Variants in XYLT1 observed in about 807,000 individuals in gnomAD.
XYLT1 encodes the protein xylosyltransferase 1.
Under a neutral mutation model 91.3 loss-of-function variants are expected in XYLT1, and 36 were observed. That is an observed-to-expected ratio of 0.39 (90% CI 0.30 to 0.52). The LOEUF is 0.52. Among genes scored for constraint, XYLT1 ranks in the 20% least tolerant of loss-of-function variants. The probability of loss-of-function intolerance (pLI) is 0.68; values close to 1 mark genes in which losing one functional copy is unlikely to be tolerated. For synonymous variants in XYLT1, 588 were observed against 532.0 expected (o/e 1.11, Z -1.45); for missense variants, 1,242 against 1,284.5 (o/e 0.97, Z 0.51).
intron 2 of XYLT1, among the ~76,000 whole-genome samples, chr16:17,344,742 C>T (rs1184035847): frequency 1.3e-5 from 2 of 151,760 alleles, no homozygotes; most frequent in Admixed American, 1.3e-4. Flanking sequence ...TCTCTGTCAC[C>T]CAAGCTGGAG....
At chr16:17,330,756 T>G (rs1222543531) in intron 2 of XYLT1, among the ~76,000 whole-genome samples, 1 of 150,872 alleles carries the variant, frequency 6.6e-6, no homozygotes, top group East Asian at 1.9e-4. Context: ...ATCGCGCCAT[T>G]GCACTCCAGC....
intron 1 of XYLT1, among the ~76,000 whole-genome samples, chr16:17,381,015 T>C (rs887437715): frequency 2.6e-5 from 4 of 152,136 alleles, no homozygotes; most frequent in African/African-American, 9.7e-5. Flanking sequence ...GAGTGGACAA[T>C]GAGGGGCTAT....
At chr16:17,346,097 C>T in intron 2 of XYLT1, among the ~76,000 whole-genome samples, 1 of 152,202 alleles carries the variant, frequency 6.6e-6, no homozygotes, top group East Asian at 1.9e-4. Flanking sequence ...AGGCGTGAGC[C>T]ACCGAGCCCG....
chr16:17,430,608 G>A (rs1376684525), intron 1 of XYLT1, among the ~76,000 whole-genome samples: 3 of 152,116 alleles, frequency 2.0e-5, no homozygotes, highest in Non-Finnish European at 2.9e-5. Flanking sequence ...GCCTCTCATG[G>A]CTCCTCTCCC....
chr16:17,286,666 A>ATCATCATCATCC (rs1165279149), intron 2 of XYLT1, among the ~76,000 whole-genome samples: 9 of 151,722 alleles, frequency 5.9e-5, no homozygotes, highest in African/African-American at 1.9e-4. Context: ...CATCATCCTC[A>ATCATCATCATCC]TCATCATCAT....
At chr16:17,294,045 T>G (rs6498674) in intron 2 of XYLT1, among the ~76,000 whole-genome samples, 2,144 of 152,222 alleles carry the variant, frequency 0.014, 56 homozygotes, top group African/African-American at 0.048. Flanking sequence ...TGTCCTCACC[T>G]GTAAAATAAG....
intron 1 of XYLT1, among the ~76,000 whole-genome samples, chr16:17,382,654 G>T (rs2035696024): frequency 6.6e-6 from 1 of 151,802 alleles, no homozygotes; most frequent in Admixed American, 6.6e-5. Context: ...AGGAGCCAGT[G>T]TAACTGCCTC....
chr16:17,149,425 T>C (rs1490790111), intron 6 of XYLT1, among the ~76,000 whole-genome samples: 1 of 152,096 alleles, frequency 6.6e-6, no homozygotes, highest in Non-Finnish European at 1.5e-5. Context: ...AAATGATACA[T>C]CCAAAGTCAC....
chr16:17,400,146 CAG>C (rs1491572978), intron 1 of XYLT1, among the ~76,000 whole-genome samples: 6 of 152,186 alleles, frequency 3.9e-5, no homozygotes, highest in Non-Finnish European at 8.8e-5. Flanking sequence ...ACAGGAAGGA[CAG>C]GGGCTGACAG....
At chr16:17,181,051 G>C (rs984392813) in intron 5 of XYLT1, among the ~76,000 whole-genome samples, 1 of 152,198 alleles carries the variant, frequency 6.6e-6, no homozygotes, top group East Asian at 1.9e-4. Context: ...CAGGTAGATT[G>C]CAGTTGCATT....
At chr16:17,280,417 T>C (rs1405465660) in intron 2 of XYLT1, among the ~76,000 whole-genome samples, 2 of 152,238 alleles carry the variant, frequency 1.3e-5, no homozygotes, top group Admixed American at 1.3e-4. Flanking sequence ...TTTGTCTTAT[T>C]TTCTGAAACA....
intron 2 of XYLT1, among the ~76,000 whole-genome samples, chr16:17,264,407 T>C (rs2033770728): frequency 6.6e-6 from 1 of 152,212 alleles, no homozygotes; most frequent in Non-Finnish European, 1.5e-5. Flanking sequence ...TGTTGCAGGA[T>C]TTTCTTCTTT....
intron 2 of XYLT1, among the ~76,000 whole-genome samples, chr16:17,307,396 T>C (rs1419816191): frequency 6.6e-6 from 1 of 152,248 alleles, no homozygotes; most frequent in Admixed American, 6.5e-5. Context: ...TTTAATGCCT[T>C]ATTTTCTGGA....
chr16:17,350,104 G>T (rs953142716), intron 2 of XYLT1, among the ~76,000 whole-genome samples: 10 of 152,102 alleles, frequency 6.6e-5, no homozygotes, highest in Admixed American at 3.3e-4. Flanking sequence ...TCAATCTCCT[G>T]ACCTCGTGAT....
chr16:17,149,832 T>C (rs1404698062), intron 6 of XYLT1, among the ~76,000 whole-genome samples: 2 of 152,218 alleles, frequency 1.3e-5, no homozygotes, highest in Non-Finnish European at 2.9e-5. Flanking sequence ...GAAATGGTGA[T>C]CATAATAGCT....
At chr16:17,322,602 G>A (rs1475790507) in intron 2 of XYLT1, among the ~76,000 whole-genome samples, 1 of 152,198 alleles carries the variant, frequency 6.6e-6, no homozygotes, top group Non-Finnish European at 1.5e-5. Flanking sequence ...TGCTGCTCCT[G>A]ATGATGTATA....
intron 1 of XYLT1, among the ~76,000 whole-genome samples, chr16:17,450,362 C>A (rs368846664): frequency 6.2e-4 from 90 of 145,500 alleles, no homozygotes; most frequent in East Asian, 3.7e-3. Context: ...AACAAACAAA[C>A]AAAAAAAAAA....
intron 6 of XYLT1, among the ~76,000 whole-genome samples, chr16:17,155,970 A>G (rs376378412): frequency 5.8e-4 from 88 of 152,224 alleles, no homozygotes; most frequent in South Asian, 8.3e-4. Flanking sequence ...ATTTAGTTCT[A>G]TGCTTATCAT....
intron 3 of XYLT1, among the ~76,000 whole-genome samples, chr16:17,211,925 G>A (rs1249464899): frequency 1.3e-5 from 2 of 152,184 alleles, no homozygotes; most frequent in Non-Finnish European, 2.9e-5. Context: ...TAGCAGCATC[G>A]CTGGATCTAC....
Sources: allele counts gnomAD v4.1 joint callset (sites outside exome capture counted in the v4.1 genomes callset), GRCh38; gene constraint gnomAD v4.1.1; transcripts MANE v1.5; gene names NCBI Gene and HGNC (gene_info 2026-07-23, HGNC 2026-07-21).